G2E3: variants seen among roughly 807,000 people sequenced by gnomAD.
The protein encoded by G2E3 is G2/M phase-specific E3 ubiquitin-protein ligase.
G2E3 carries 35 observed loss-of-function variants against 92.8 expected under a neutral mutation model. That is an observed-to-expected ratio of 0.38 (90% CI 0.29 to 0.50). The LOEUF is 0.50. Among genes scored for constraint, G2E3 ranks in the 20% least tolerant of loss-of-function variants. The pLI, the probability that G2E3 is intolerant of heterozygous loss-of-function variation, is 0.94. For synonymous variants in G2E3, 242 were observed against 272.4 expected (o/e 0.89, Z 1.10); for missense variants, 554 against 823.8 (o/e 0.67, Z 4.01).
chr14:30,578,076 A>G (rs771956583), intron 1 of G2E3, among the ~76,000 whole-genome samples: 2 of 152,134 alleles, frequency 1.3e-5, no homozygotes, highest in Non-Finnish European at 2.9e-5. Flanking sequence ...ATGAAATTCA[A>G]CTGAAATATG....
chr14:30,593,236 G>C (rs189449092), intron 5 of G2E3, among the ~76,000 whole-genome samples: 87 of 152,140 alleles, frequency 5.7e-4, no homozygotes, highest in African/African-American at 1.9e-3. Flanking sequence ...ATAATTATTA[G>C]TTTCTGAAAT....
chr14:30,617,837 A>G lies in G2E3; in HGVS notation c.*1303A>G, dbSNP rs1205204235. The G allele has an allele frequency of 6.6e-6, 1 of 152,104 alleles. No homozygotes were observed. The highest frequency in any genetic ancestry group is 1.5e-5 in the Non-Finnish European group (1 of 67,956). 9.4% of individuals were successfully genotyped at this position (152,104 alleles called of 1,614,324 possible). ...GTCCCATAGTCATGTCCCCATATTT[A>G]TACTCCCACAGAAGAAAAAATTGGA... On this transcript the variant is annotated 3_prime_UTR_variant, in exon 15 of 15. Coordinates refer to ENST00000206595, the MANE Select transcript of G2E3 (RefSeq NM_017769.5).
rs1202252953 is a variant in G2E3 at position 30,619,591 on chromosome 14, A to G, written c.*3057A>G. 6.6e-6 allele frequency: 1 copy of G among 152,126 alleles called. No homozygotes were observed. Among genetic ancestry groups the G allele is most frequent in the Admixed American group, 6.5e-5 (1 of 15,280 alleles). The allele number at this position is 152,126 out of a possible 1,614,324, so 9.4% of individuals were successfully genotyped here. A position where few individuals can be genotyped will look rare whatever the true frequency, so the allele number is the denominator to read the frequency against. On this transcript the variant is annotated 3_prime_UTR_variant, in exon 15 of 15. Coordinates refer to ENST00000206595, the MANE Select transcript of G2E3 (RefSeq NM_017769.5). ...ATTTAATGATGAATTACTTGAATGT[A>G]TATTATCTGTGGTTTAGGAAAATTT... is the stretch of plus-strand genomic sequence containing the variant.
chr14:30,600,735 G>A (rs1290539413), intron 8 of G2E3, among the ~76,000 whole-genome samples: 1 of 152,112 alleles, frequency 6.6e-6, no homozygotes, highest in Non-Finnish European at 1.5e-5. Context: ...TTAGTGAAAG[G>A]CAGCATGGTT....
chr14:30,566,303 G>T (rs1879435013), intron 1 of G2E3, among the ~76,000 whole-genome samples: 1 of 152,182 alleles, frequency 6.6e-6, no homozygotes, highest in Non-Finnish European at 1.5e-5. Flanking sequence ...GATTTTGACA[G>T]GAATTGTATC....
rs1881793978 is a variant in G2E3 at position 30,605,578 on chromosome 14, A to G, written c.1084A>G (p.Lys362Glu). ...AGGATTCCAAATTAAAAAAAAAACTAAAAGATTGTATATCAACAAAGCCAA... is the reference window on the plus strand; with the variant it reads ...AGGATTCCAAATTAAAAAAAAAACTGAAAGATTGTATATCAACAAAGCCAA... The part of the protein sequence containing the change: ...ELGFQIKKKT[K>E]RLYINKANIW... Residue 362 changes from lysine to glutamate, a missense_variant, in exon 11 of 15, where the codon AAA becomes GAA. Physicochemically the swap from Lys to Glu is moderately conservative, Grantham distance 56. This residue lies in a region of G2E3 where 397 missense variants were observed against 560.3 expected (regional missense o/e 0.71). Transcript: ENST00000206595. 2 of 1,510,990 alleles carry G rather than the reference A, an allele frequency of 1.3e-6. No homozygotes were observed. The highest frequency in any genetic ancestry group is 1.8e-6 in the Non-Finnish European group (2 of 1,100,936). 93.6% of individuals were successfully genotyped at this position (1,510,990 alleles called of 1,614,324 possible).
chr14:30,586,647 G>T, intron 2 of G2E3, 71 bp from the exon 3 acceptor site: 2 of 534,648 alleles, frequency 3.7e-6, no homozygotes, highest in Non-Finnish European at 6.5e-6. Flanking sequence ...ATTTAGAGAA[G>T]CACCAATTCC....
intron 3 of G2E3, among the ~76,000 whole-genome samples, 158 bp downstream of exon 3, chr14:30,586,973 T>C (rs959773681): frequency 3.9e-5 from 6 of 152,200 alleles, no homozygotes; most frequent in Admixed American, 6.5e-5. Flanking sequence ...TGATATTGAA[T>C]TCTAAGATTC....
chr14:30,589,844 C>T (rs1880907415), intron 4 of G2E3, among the ~76,000 whole-genome samples: 1 of 151,994 alleles, frequency 6.6e-6, no homozygotes, highest in African/African-American at 2.4e-5. Context: ...TGAGTCAACC[C>T]AACCATATAC....
chr14:30,573,756 A>C (rs1393037240), intron 1 of G2E3: 2 of 152,010 alleles, frequency 1.3e-5, no homozygotes, highest in Non-Finnish European at 2.9e-5. Flanking sequence ...GCTAATGTCT[A>C]CCCACGCTGG....
At chr14:30,607,054 C>T (rs1233078227) in intron 11 of G2E3, among the ~76,000 whole-genome samples, 3 of 152,052 alleles carry the variant, frequency 2.0e-5, no homozygotes, top group Admixed American at 6.5e-5. Flanking sequence ...CATTATGTCT[C>T]ATAAAGTTAG....
intron 6 of G2E3, among the ~76,000 whole-genome samples, 184 bp from the exon 7 acceptor site, chr14:30,597,236 A>G (rs926674721): frequency 1.3e-5 from 2 of 152,184 alleles, no homozygotes; most frequent in South Asian, 4.1e-4. Context: ...TAACCATTGG[A>G]AAAAAGAATT....
Position 30,617,570 on chromosome 14 carries a change from C to G in G2E3, c.*1036C>G, listed in dbSNP as rs1882371123. ...GGTAAGTTGACGCCATAGCATTATA[C>G]AGTTATCTTCATTGCTCTTGAATGA... On this transcript the variant is annotated 3_prime_UTR_variant, in exon 15 of 15. Coordinates refer to ENST00000206595, the MANE Select transcript of G2E3 (RefSeq NM_017769.5). 6.6e-6 allele frequency: 1 copy of G among 152,000 alleles called. No individual in the cohort carries two copies. The highest frequency in any genetic ancestry group is 1.5e-5 in the Non-Finnish European group (1 of 67,946). The allele number at this position is 152,000 out of a possible 1,614,324, so 9.4% of individuals were successfully genotyped here.
intron 5 of G2E3, 108 bp downstream of exon 5, chr14:30,592,555 GT>G (rs988979536): frequency 1.2e-6 from 1 of 828,816 alleles, no homozygotes; most frequent in Non-Finnish European, 1.8e-6. Context: ...GAGCATCAGA[GT>G]TTAGATATAA....
intron 12 of G2E3, among the ~76,000 whole-genome samples, chr14:30,608,387 A>G (rs1021071138): frequency 2.6e-5 from 4 of 152,212 alleles, no homozygotes; most frequent in Admixed American, 1.3e-4. Flanking sequence ...CGTGAGGCAG[A>G]TTCCCTATTG....
intron 1 of G2E3, among the ~76,000 whole-genome samples, chr14:30,579,971 T>C (rs1880336985): frequency 1.3e-5 from 2 of 152,090 alleles, no homozygotes; most frequent in Admixed American, 1.3e-4. Flanking sequence ...CTTCTTTTCT[T>C]TGATCTTTTA....
intron 1 of G2E3, chr14:30,560,895 G>A: frequency 1.5e-6 from 1 of 682,750 alleles, no homozygotes; most frequent in Non-Finnish European, 2.7e-6. Context: ...TCCTAGAAAG[G>A]CATTATAATG....
In G2E3 at chr14:30,608,013, A is replaced by G; in HGVS notation, c.1444A>G (p.Thr482Ala). The change falls in exon 12 of 15, where the codon ACC becomes GCC. Residue 482 changes from threonine (T) to alanine (A), a missense_variant. Physicochemically the swap from Thr to Ala is moderately conservative, Grantham distance 58. Transcript: ENST00000206595. ...FNCLVYGPEN[T>A]QPILDDVSDF... ...CTGCCTTGTTTATGGACCAGAAAAT[A>G]CCCAGCCAATTTTAGATGATGTTTC... is the stretch of plus-strand genomic sequence containing the variant. 1 of 1,604,102 alleles carries G rather than the reference A, an allele frequency of 6.2e-7. No homozygotes were observed. The highest frequency in any genetic ancestry group is 8.5e-7 in the Non-Finnish European group (1 of 1,176,566).
rs752250010 is a variant in G2E3, at chr14:30,592,447, C to T, written c.362C>T (p.Ala121Val). 6 of 1,570,626 alleles carry T rather than the reference C, an allele frequency of 3.8e-6. No individual in the cohort carries two copies. The highest frequency in any genetic ancestry group is 2.4e-5 in the South Asian group (2 of 83,996). ...ECIFQFTGNF[A>V]SFCWDHRPVQ... ...ATTTTCCAGTTTACTGGCAATTTTG[C>T]GTGAGTTATTTAACTGTTAAATATG... Residue 121 changes from alanine (A) to valine (V), a missense_variant and splice_region_variant, in exon 5 of 15, where the codon GCG becomes GTG. Around this residue, in one of 3 missense-constraint regions of G2E3, gnomAD observed 137 missense variants for 201.3 expected, o/e 0.68. Transcript: ENST00000206595.
Sources: allele counts gnomAD v4.1 joint callset (sites outside exome capture counted in the v4.1 genomes callset), GRCh38; gene constraint gnomAD v4.1.1; regional missense constraint gnomAD v4.1.1; transcripts MANE v1.5; gene names NCBI Gene and HGNC (gene_info 2026-07-23, HGNC 2026-07-21).